The following NRXN2 variants were observed in gnomAD, a reference collection of about 807,000 sequenced individuals.
The protein encoded by NRXN2 is neurexin 2.
NRXN2 carries 29 observed loss-of-function variants against 128.8 expected under a neutral mutation model. The observed-to-expected ratio is 0.23, with a 90% confidence interval of 0.17 to 0.31. The LOEUF (loss-of-function observed/expected upper bound fraction) is 0.31, where lower values mean the gene tolerates loss of function less well. Ranked by LOEUF, NRXN2 falls within the 10% of genes least tolerant of loss-of-function variation. The pLI is 1.00. For missense variants in NRXN2, 1,881 were observed against 2,452.6 expected (o/e 0.77, Z 4.92); for synonymous variants, 1,098 against 1,075.2 (o/e 1.02, Z -0.41).
intron 7 of NRXN2, among the ~76,000 whole-genome samples, chr11:64,672,172 G>A (rs1265792656): frequency 6.6e-6 from 1 of 152,220 alleles, no homozygotes; most frequent in African/African-American, 2.4e-5. Flanking sequence ...CAGGAGCAGA[G>A]AGGCTGGCTG....
At position 64,668,491 on chromosome 11, in the gene NRXN2, G is replaced by A. The variant is rs747291781; in HGVS notation, c.1311C>T (p.Asp437=). The change falls in exon 8 of 23, where the codon GAC becomes GAT. Residue 437 remains aspartate, a synonymous_variant. Transcript: ENST00000265459. ...FYIGGSPNTA[D]LPGSPVSNNF... is the part of the protein sequence containing the mutation. The stretch of plus-strand genomic sequence containing the variant: ...TGTTGCTGACGGGCGAGCCCGGCAG[G>A]TCAGCTGTGTTGGGGCTGCCCCCAA... 1.2e-6 allele frequency: 2 copies of A among 1,614,106 alleles called. No individual in the cohort carries two copies. Among genetic ancestry groups the A allele is most frequent in the Non-Finnish European group, 1.7e-6 (2 of 1,180,028 alleles).
intron 9 of NRXN2, among the ~76,000 whole-genome samples, chr11:64,664,663 C>G (rs2049534109): frequency 6.6e-6 from 1 of 152,256 alleles, no homozygotes; most frequent in African/African-American, 2.4e-5. Flanking sequence ...CTCGGAATAG[C>G]TGCCCCAAGT....
chr11:64,717,079 C>T (rs1482573629), intron 1 of NRXN2, among the ~76,000 whole-genome samples: 5 of 152,122 alleles, frequency 3.3e-5, no homozygotes, highest in Non-Finnish European at 2.9e-5. Flanking sequence ...ACCCTTTCTC[C>T]AGAGGTCTCC....
In NRXN2 at chr11:64,619,245, C is replaced by T. The variant is rs542736270; in HGVS notation, c.4252+1049G>A. ...AGTCTCCAGCAGCCCAAGCGAGAAACGTGGGTGGCCCTCCACTCCCACAGA... is the reference window on the plus strand; with the variant it reads ...AGTCTCCAGCAGCCCAAGCGAGAAATGTGGGTGGCCCTCCACTCCCACAGA... On this transcript the variant is annotated intron_variant, in intron 22 of 22. Coordinates refer to ENST00000265459, the MANE Select transcript of NRXN2 (RefSeq NM_015080.4). Among the ~76,000 whole-genome samples the T allele has an allele frequency of 4.6e-5, 7 of 152,208 alleles. No homozygotes were observed. The South Asian group carries it at 1.5e-3, about 32-fold the overall frequency.
chr11:64,698,947 A>C (rs764005804), intron 2 of NRXN2, among the ~76,000 whole-genome samples: 1 of 152,134 alleles, frequency 6.6e-6, no homozygotes, highest in East Asian at 1.9e-4. Context: ...AAACACACAA[A>C]CCCAGTGGGG....
intron 17 of NRXN2, among the ~76,000 whole-genome samples, chr11:64,637,698 G>T (rs2044967233): frequency 6.6e-6 from 1 of 152,122 alleles, no homozygotes; most frequent in Admixed American, 6.5e-5. Context: ...TTCAGAGAAG[G>T]CTTTATTGGG....
intron 1 of NRXN2, among the ~76,000 whole-genome samples, chr11:64,719,414 T>C (rs1041602491): frequency 2.0e-5 from 3 of 152,188 alleles, no homozygotes; most frequent in Non-Finnish European, 4.4e-5. Flanking sequence ...CAGAGGGCAG[T>C]AGAAGGAACA....
At chr11:64,642,460 CG>C in intron 17 of NRXN2, 4 of 1,501,022 alleles carry the variant, frequency 2.7e-6, no homozygotes, top group Non-Finnish European at 3.5e-6. Flanking sequence ...GTGGGGCCCG[CG>C]GGGGCCCAGC....
intron 21 of NRXN2, 73 bp from the exon 22 acceptor site, chr11:64,620,445 G>A (rs2135318527): frequency 8.4e-7 from 1 of 1,185,514 alleles, no homozygotes; most frequent in East Asian, 2.5e-5. Context: ...TGCCACTTGA[G>A]GTGCACGGTG....
rs145024684 is a variant in NRXN2, at chr11:64,645,711, G to A, written c.3403+2508C>T. Among the ~76,000 whole-genome samples, 930 of 152,206 alleles carry A rather than the reference G, an allele frequency of 6.1e-3. 29 individuals carry two copies. The highest frequency in any genetic ancestry group is 4.6e-3 in the Non-Finnish European group (310 of 68,004). On this transcript the variant is annotated intron_variant, in intron 17 of 22. Coordinates refer to ENST00000265459, the MANE Select transcript of NRXN2 (RefSeq NM_015080.4). The stretch of plus-strand genomic sequence containing the variant: ...CAGGAGTAGTCCCCATGTCACAGAT[G>A]GAGAAATTGAGGTGGTAAGTGGGGA...
At chr11:64,692,288 T>G (rs2053902408) in intron 4 of NRXN2, among the ~76,000 whole-genome samples, 2 of 152,110 alleles carry the variant, frequency 1.3e-5, no homozygotes, top group African/African-American at 4.8e-5. Flanking sequence ...GAGCGCACAC[T>G]GTGGAAACGG....
intron 7 of NRXN2, 88 bp from the exon 8 acceptor site, chr11:64,668,692 A>G (rs1160376054): frequency 2.7e-6 from 4 of 1,472,520 alleles, no homozygotes; most frequent in Non-Finnish European, 3.8e-6. Flanking sequence ...AGGAGGGGCC[A>G]GAGGGCAGCA....
In NRXN2 at chr11:64,696,156, G is replaced by A. The variant is rs146865718; in HGVS notation, c.748+1619C>T. Among the ~76,000 whole-genome samples, 174 of 151,224 alleles carry A rather than the reference G, an allele frequency of 1.2e-3. 1 individual carries two copies. The highest frequency in any genetic ancestry group is 3.9e-3 in the African/African-American group (160 of 41,072). ...CTCCCTCCATCTCACCCTTTGTTCCGGAGGAGACATGACATCAAGAGCAAG... is the reference window on the plus strand; with the variant it reads ...CTCCCTCCATCTCACCCTTTGTTCCAGAGGAGACATGACATCAAGAGCAAG... On this transcript the variant is annotated intron_variant, in intron 3 of 22. Coordinates refer to ENST00000265459, the MANE Select transcript of NRXN2 (RefSeq NM_015080.4).
chr11:64,706,768 C>A (rs919323004), intron 2 of NRXN2, among the ~76,000 whole-genome samples: 9 of 152,122 alleles, frequency 5.9e-5, no homozygotes, highest in African/African-American at 9.7e-5. Context: ...GTTTATTAAT[C>A]AATGTTCGAG....
chr11:64,679,672 T>C (rs2051905536), intron 6 of NRXN2, among the ~76,000 whole-genome samples: 1 of 151,368 alleles, frequency 6.6e-6, no homozygotes, highest in Admixed American at 6.6e-5. Context: ...AAGAAACAGA[T>C]GTGAGTTCTA....
chr11:64,608,210 GAGCGGGCTGGGCCCGCCCGCC>G, intron 22 of NRXN2, 128 bp from the exon 23 acceptor site: 1 of 761,776 alleles, frequency 1.3e-6, no homozygotes, highest in East Asian at 2.7e-5. Context: ...GCGGAGACTA[GAGCGGGCTGGGCCCGCCCGCC>G]AGCCGGCCGA....
At chr11:64,676,864 C>T (rs1474279662) in intron 7 of NRXN2, 129 bp downstream of exon 7, 6 of 733,150 alleles carry the variant, frequency 8.2e-6, no homozygotes, top group African/African-American at 3.5e-5. Flanking sequence ...TTGTCCAGGA[C>T]GCAAAAAACA....
At position 64,635,397 on chromosome 11, in the gene NRXN2, G is replaced by A. The variant is rs1178833824; in HGVS notation, c.3459C>T (p.Pro1153=). 6.2e-7 allele frequency: 1 copy of A among 1,613,838 alleles called. No homozygotes were observed. Among genetic ancestry groups the A allele is most frequent in the East Asian group, 2.2e-5 (1 of 44,874 alleles). Residue 1153 remains proline (P), a synonymous_variant, in exon 18 of 23, where the codon CCC becomes CCT. Transcript: ENST00000265459. This position sits in a 1 kb window ranked among gnomAD's most constrained non-coding sequence, Gnocchi z 4.8. ...TCCTCGTGCTGGGCCTGTCATTGGG[G>A]GGCCACGTGTAGGTGATGAGCGCTC... ...KGGALITYTW[P]PNDRPSTRMD... is the part of the protein sequence containing the mutation.
At chr11:64,640,254 T>A (rs553315856) in intron 17 of NRXN2, among the ~76,000 whole-genome samples, 1 of 152,320 alleles carries the variant, frequency 6.6e-6, no homozygotes, top group East Asian at 1.9e-4. Context: ...AATCCCTCTG[T>A]CCAGCTTTTG....
Sources: allele counts gnomAD v4.1 joint callset (sites outside exome capture counted in the v4.1 genomes callset), GRCh38; gene constraint gnomAD v4.1.1; non-coding constraint Gnocchi (gnomAD v3.1); transcripts MANE v1.5; gene names NCBI Gene and HGNC (gene_info 2026-07-23, HGNC 2026-07-21).